The following ITGAE variants were observed in gnomAD, a reference collection of about 807,000 sequenced individuals.
ITGAE encodes the protein integrin subunit alpha E.
A neutral mutation model predicts 136.5 loss-of-function variants in ITGAE; 99 were observed. That is an observed-to-expected ratio of 0.73 (90% CI 0.62 to 0.86). The LOEUF (loss-of-function observed/expected upper bound fraction) is 0.86, where lower values mean the gene tolerates loss of function less well. Among genes scored for constraint, ITGAE ranks in the 40% least tolerant of loss-of-function variants. The pLI is 0.00. For missense variants in ITGAE, 1,447 were observed against 1,515.3 expected (o/e 0.95, Z 0.75); for synonymous variants, 613 against 591.8 (o/e 1.04, Z -0.52).
rs2051838217 is a variant in ITGAE, at chr17:3,750,485, G to A, written c.1894-3C>T. On this transcript the variant is annotated splice_polypyrimidine_tract_variant and splice_region_variant and intron_variant, in intron 15 of 30. Transcript: ENST00000263087. Reference sequence around the variant, plus strand: ...GCCACCGTGGAGGCTCTGATCCGCTGTGGAGGCAGAAACACAAGGCGTGGG... The same window carrying A: ...GCCACCGTGGAGGCTCTGATCCGCTATGGAGGCAGAAACACAAGGCGTGGG... 2 of 1,613,972 alleles carry A rather than the reference G, an allele frequency of 1.2e-6. No individual in the cohort carries two copies. Among genetic ancestry groups the A allele is most frequent in the African/African-American group, 1.3e-5 (1 of 74,944 alleles).
intron 1 of ITGAE, among the ~76,000 whole-genome samples, chr17:3,787,355 G>A (rs921943322): frequency 5.3e-5 from 8 of 151,720 alleles, no homozygotes; most frequent in African/African-American, 1.2e-4. Flanking sequence ...CAGGTGATCC[G>A]CCCACCTCAG....
chr17:3,718,767 G>A (rs769052875), intron 29 of ITGAE, among the ~76,000 whole-genome samples: 9 of 152,182 alleles, frequency 5.9e-5, no homozygotes, highest in Non-Finnish European at 1.2e-4. Flanking sequence ...CTGGGGGCAT[G>A]GGAAGGGAGA....
chr17:3,798,028 G>A lies in ITGAE; in HGVS notation c.34+3083C>T, dbSNP rs1426777800. 6.6e-6 allele frequency among the ~76,000 whole-genome samples: 1 copy of A among 152,144 alleles called. No individual in the cohort carries two copies. ...TCACCACCTCCACCGTGGGCCTCTCGGGACTGGATGCCCGCATTCCTCCAC... is the reference window on the plus strand; with the variant it reads ...TCACCACCTCCACCGTGGGCCTCTCAGGACTGGATGCCCGCATTCCTCCAC... On this transcript the variant is annotated intron_variant, in intron 1 of 30. Transcript: ENST00000263087. The surrounding 1 kb of genome is among the most constrained non-coding windows in gnomAD (Gnocchi z 4.3).
rs972560399 is a variant in ITGAE, at chr17:3,799,813, A to G, written c.34+1298T>C. ...AACTGTTGACCTTTCCATGGTGACTATTCTGATGTTTTTGAAATATAAAAT... is the reference window on the plus strand; with the variant it reads ...AACTGTTGACCTTTCCATGGTGACTGTTCTGATGTTTTTGAAATATAAAAT... On this transcript the variant is annotated intron_variant, in intron 1 of 30. Transcript: ENST00000263087. The surrounding 1 kb of genome is among the most constrained non-coding windows in gnomAD (Gnocchi z 4.1). Among the ~76,000 whole-genome samples, 2 of 152,220 alleles carry G rather than the reference A, an allele frequency of 1.3e-5. No individual in the cohort carries two copies. Among genetic ancestry groups the G allele is most frequent in the Non-Finnish European group, 2.9e-5 (2 of 68,030 alleles).
intron 1 of ITGAE, among the ~76,000 whole-genome samples, chr17:3,795,877 G>A (rs1483143984): frequency 6.7e-6 from 1 of 150,084 alleles, no homozygotes; most frequent in Non-Finnish European, 1.5e-5. Context: ...GCATCCGTGT[G>A]CGTGTGCATC....
In ITGAE at chr17:3,762,124, A is replaced by G. The variant is rs2052187720; in HGVS notation, c.248-142T>C. The G allele has an allele frequency of 3.3e-5, 22 of 671,608 alleles. 1 individual carries two copies. The South Asian group carries it at 3.3e-4, about 10-fold the overall frequency. 41.6% of individuals were successfully genotyped at this position (671,608 alleles called of 1,614,324 possible). On this transcript the variant is annotated intron_variant, in intron 3 of 30. Transcript: ENST00000263087. ...CACTCAGAGAAGCCTCTAGAAAGCT[A>G]GAGCGGGGGCCTTCAAGGTCAGGAC...
intron 12 of ITGAE, among the ~76,000 whole-genome samples, 193 bp downstream of exon 12, chr17:3,754,924 A>G (rs137922323): frequency 0.043 from 3,839 of 89,710 alleles, 186 homozygotes; most frequent in African/African-American, 0.097. Context: ...TCACCCAGGT[A>G]GCCCCCAGGC....
intron 1 of ITGAE, among the ~76,000 whole-genome samples, chr17:3,783,785 T>A (rs182520867): frequency 1.3e-5 from 2 of 152,224 alleles, no homozygotes; most frequent in South Asian, 4.1e-4. Context: ...AGGAGATATA[T>A]GCACACAAAT....
Position 3,761,899 on chromosome 17 carries a change from T to TCG in ITGAE, c.315+14_315+15dup. 6.2e-7 allele frequency: 1 copy of TCG among 1,611,986 alleles called. No homozygotes were observed. The highest frequency in any genetic ancestry group is 8.5e-7 in the Non-Finnish European group (1 of 1,178,540). ...AGCCTCCCTAAGGCCCTCCCTCCTCTCGCTCCTGCACTCACCAAAACACCG... is the reference window on the plus strand; with the variant it reads ...AGCCTCCCTAAGGCCCTCCCTCCTCTCGCGCTCCTGCACTCACCAAAACACCG... On this transcript the variant is annotated intron_variant, in intron 4 of 30. Transcript: ENST00000263087.
At chr17:3,766,824 A>G (rs2052310354) in intron 2 of ITGAE, among the ~76,000 whole-genome samples, 1 of 147,670 alleles carries the variant, frequency 6.8e-6, no homozygotes, top group Non-Finnish European at 1.5e-5. Flanking sequence ...AATAATAATA[A>G]TAATAATAAT....
At chr17:3,753,153 C>A in intron 14 of ITGAE, 137 bp downstream of exon 14, 1 of 900,710 alleles carries the variant, frequency 1.1e-6, no homozygotes, top group South Asian at 1.8e-5. Flanking sequence ...CCCGCCCAGC[C>A]GCCATCCAGC....
At position 3,777,625 on chromosome 17, in the gene ITGAE, C is replaced by G; in HGVS notation, c.70G>C (p.Ala24Pro). 6.2e-7 allele frequency: 1 copy of G among 1,613,860 alleles called. No homozygotes were observed. The highest frequency in any genetic ancestry group is 8.5e-7 in the Non-Finnish European group (1 of 1,179,888). Reference sequence around the variant, plus strand: ...CCCTTGGGCGTGAGCCAGGGCCGGGCCACATCCACATTGAAAGCGGCCAGC... The same window carrying G: ...CCCTTGGGCGTGAGCCAGGGCCGGGGCACATCCACATTGAAAGCGGCCAGC... The part of the protein sequence containing the change: ...ALLAAFNVDV[A>P]RPWLTPKGGA... Residue 24 changes from alanine (A) to proline (P), a missense_variant, in exon 2 of 31, where the codon GCC becomes CCC. By Grantham distance (27) the Ala-to-Pro change is conservative. This residue lies in a region of ITGAE where 106 missense variants were observed against 87.8 expected (regional missense o/e 1.21). Transcript: ENST00000263087.
At position 3,728,101 on chromosome 17, in the gene ITGAE, T is replaced by A; in HGVS notation, c.2976+4A>T. The stretch of plus-strand genomic sequence containing the variant: ...TCTACAGCTTTACAATAATAAGTAC[T>A]TACATGGAAGAGGAATTCTTTGTGG... On this transcript the variant is annotated splice_donor_region_variant and intron_variant, in intron 25 of 30. Coordinates refer to ENST00000263087, the MANE Select transcript of ITGAE (RefSeq NM_002208.5). 1 of 1,610,058 alleles carries A rather than the reference T, an allele frequency of 6.2e-7. No individual in the cohort carries two copies. Among genetic ancestry groups the A allele is most frequent in the Non-Finnish European group, 8.5e-7 (1 of 1,176,282 alleles).
intron 17 of ITGAE, among the ~76,000 whole-genome samples, chr17:3,746,664 T>A (rs976189648): frequency 2.0e-5 from 3 of 152,008 alleles, no homozygotes; most frequent in Admixed American, 6.6e-5. Flanking sequence ...TTCACCATGT[T>A]AGCCAGGATG....
At chr17:3,764,470 G>A (rs1455811824) in intron 2 of ITGAE, among the ~76,000 whole-genome samples, 1 of 152,228 alleles carries the variant, frequency 6.6e-6, no homozygotes, top group East Asian at 1.9e-4. Flanking sequence ...GCTGAGGCAG[G>A]TGGATCATCT....
At chr17:3,787,450 G>T (rs1359235653) in intron 1 of ITGAE, among the ~76,000 whole-genome samples, 2 of 151,942 alleles carry the variant, frequency 1.3e-5, no homozygotes, top group Non-Finnish European at 2.9e-5. Context: ...AAAGCGGTGG[G>T]GTCTAGCTAT....
rs1487665768 is a variant in ITGAE, at chr17:3,743,592, T to C, written c.2345A>G (p.Asn782Ser). The C allele has an allele frequency of 6.2e-7, 1 of 1,613,172 alleles. No homozygotes were observed. The highest frequency in any genetic ancestry group is 1.3e-5 in the African/African-American group (1 of 74,802). Residue 782 changes from asparagine (N) to serine (S), a missense_variant, in exon 19 of 31, where the codon AAT becomes AGT. Asn to Ser is a conservative substitution (Grantham distance 46). Transcript: ENST00000263087. ...CTGGTAGCTGACTTTGACACTGGCATTGGAGAAGCAGTCCTCCTCACAGAG... is the reference window on the plus strand; with the variant it reads ...CTGGTAGCTGACTTTGACACTGGCACTGGAGAAGCAGTCCTCCTCACAGAG... The part of the protein sequence containing the change: ...GELCEEDCFS[N>S]ASVKVSYQLQ...
intron 19 of ITGAE, among the ~76,000 whole-genome samples, chr17:3,741,414 T>G (rs1464994076): frequency 6.6e-6 from 1 of 151,996 alleles, no homozygotes; most frequent in Non-Finnish European, 1.5e-5. Context: ...TATAGCCACA[T>G]AGCCTGATCT....
chr17:3,772,216 GC>G (rs747987634), intron 2 of ITGAE, among the ~76,000 whole-genome samples: 1 of 151,668 alleles, frequency 6.6e-6, no homozygotes, highest in African/African-American at 2.4e-5. Context: ...GCCTCGATGC[GC>G]CCCCCCGTAC....
Sources: allele counts gnomAD v4.1 joint callset (sites outside exome capture counted in the v4.1 genomes callset), GRCh38; gene constraint gnomAD v4.1.1; regional missense constraint gnomAD v4.1.1; non-coding constraint Gnocchi (gnomAD v3.1); transcripts MANE v1.5; gene names NCBI Gene and HGNC (gene_info 2026-07-23, HGNC 2026-07-21).